KCNJ18: variants seen among roughly 807,000 people sequenced by gnomAD.
KCNJ18 encodes inward rectifier potassium channel 18.
KCNJ18 carries 16 observed loss-of-function variants against 17.3 expected under a neutral mutation model. The observed-to-expected ratio is 0.92, with a 90% CI of 0.62 to 1.40. The LOEUF (loss-of-function observed/expected upper bound fraction) is 1.40, where lower values mean the gene tolerates loss of function less well. Among genes scored for constraint, KCNJ18 ranks in the 40% most tolerant of loss-of-function variants. The pLI is 0.00. For synonymous variants in KCNJ18, 185 were observed against 262.6 expected (o/e 0.70, Z 2.86); for missense variants, 462 against 626.8 (o/e 0.74, Z 2.81).
At chr17:21,694,806 TTCCATCCA>T (rs1294845282) in intron 1 of KCNJ18, among the ~76,000 whole-genome samples, 3 of 150,892 alleles carry the variant, frequency 2.0e-5, no homozygotes, top group African/African-American at 4.9e-5. Context: ...TCACCCAACA[TTCCATCCA>T]TCCATCCATC....
intron 2 of KCNJ18, among the ~76,000 whole-genome samples, 197 bp from the exon 3 acceptor site, chr17:21,702,534 G>C (rs1905994056): frequency 2.6e-5 from 4 of 152,234 alleles, no homozygotes; most frequent in Non-Finnish European, 5.9e-5. Flanking sequence ...TTTTTGGCTG[G>C]AGCTGCTGGG....
In KCNJ18 at chr17:21,702,844, C is replaced by G; in HGVS notation, c.58C>G (p.Leu20Val). 6.3e-7 allele frequency: 1 copy of G among 1,599,386 alleles called. No homozygotes were observed. The highest frequency in any genetic ancestry group is 8.5e-7 in the Non-Finnish European group (1 of 1,178,014). ...CATCGTGTCATTGGAGGAGGACGGG[C>G]TGCACCTGGTCACCATGTCGGGCGC... ...YSIVSLEEDG[L>V]HLVTMSGANG... Residue 20 changes from leucine to valine, a missense_variant, in exon 3 of 3, where the codon CTG (leucine) becomes GTG (valine). Leu to Val is a conservative substitution (Grantham distance 32). This residue lies in a region of KCNJ18 where 237 missense variants were observed against 259.4 expected (regional missense o/e 0.91). Transcript: ENST00000567955.
intron 2 of KCNJ18, among the ~76,000 whole-genome samples, chr17:21,701,579 C>T (rs1270803935): frequency 2.6e-5 from 4 of 152,216 alleles, no homozygotes; most frequent in Non-Finnish European, 4.4e-5. Context: ...AAGTGGGTGG[C>T]GACAGGGGTG....
intron 2 of KCNJ18, among the ~76,000 whole-genome samples, chr17:21,699,023 A>T (rs1210772277): frequency 1.3e-5 from 2 of 152,138 alleles, no homozygotes; most frequent in African/African-American, 4.8e-5. Context: ...TGTCTGTGGA[A>T]AACGGTCCTA....
chr17:21,696,486 A>G (rs1333241849), intron 2 of KCNJ18, among the ~76,000 whole-genome samples: 1 of 151,992 alleles, frequency 6.6e-6, no homozygotes, highest in East Asian at 1.9e-4. Context: ...CCATCTCCTC[A>G]TCCATCCCAT....
At position 21,703,235 on chromosome 17, in the gene KCNJ18, G is replaced by C. The variant is rs1396830294; in HGVS notation, c.449G>C (p.Cys150Ser). The change falls in exon 3 of 3, where the codon TGT (cysteine) becomes TCT (serine). Residue 150 changes from cysteine (C) to serine (S), a missense_variant. By Grantham distance (112) the Cys-to-Ser change is moderately radical. Coordinates refer to ENST00000567955, the MANE Select transcript of KCNJ18 (RefSeq NM_001194958.2). ...TQTTIGYGLR[C>S]VTEECLVAVF... ...ACCACCATCGGCTACGGGCTGCGCT[G>C]TGTGACGGAGGAGTGCCTGGTGGCC... 57 of 1,611,206 alleles carry C rather than the reference G, an allele frequency of 3.5e-5. No individual in the cohort carries two copies. The highest frequency in any genetic ancestry group is 4.8e-5 in the Non-Finnish European group (57 of 1,179,324).
chr17:21,697,987 T>A (rs1443139900), intron 2 of KCNJ18, among the ~76,000 whole-genome samples: 1 of 150,464 alleles, frequency 6.6e-6, no homozygotes, highest in Non-Finnish European at 1.5e-5. Context: ...GGTCTTCCAA[T>A]GGTAAGGCTT....
In KCNJ18 at chr17:21,703,584, G is replaced by T. The variant is rs1460645895; in HGVS notation, c.798G>T (p.Ser266=). The change falls in exon 3 of 3, where the codon TCG becomes TCT. Residue 266 remains serine, a synonymous_variant. Transcript: ENST00000567955. ...GCCTGGACCGCATCTTTCTGGTGTC[G>T]CCCATCACCATCTTGCATGAAATTG... ...DKGLDRIFLV[S]PITILHEIDE... is the part of the protein sequence containing the mutation. 1.1e-5 allele frequency: 17 copies of T among 1,570,166 alleles called. No homozygotes were observed. In the East Asian group the frequency reaches 2.0e-4, roughly 19 times the overall value.
Position 21,703,251 on chromosome 17 carries a change from C to T in KCNJ18, c.465C>T (p.Cys155=). The change falls in exon 3 of 3, where the codon TGC becomes TGT. Residue 155 remains cysteine (C), a synonymous_variant. Coordinates refer to ENST00000567955, the MANE Select transcript of KCNJ18 (RefSeq NM_001194958.2). The stretch of plus-strand genomic sequence containing the variant: ...GGCTGCGCTGTGTGACGGAGGAGTG[C>T]CTGGTGGCCGTCTTCATGGTGGTGG... ...GYGLRCVTEE[C]LVAVFMVVAQ... is the part of the protein sequence containing the mutation. 2 of 1,610,366 alleles carry T rather than the reference C, an allele frequency of 1.2e-6. No individual in the cohort carries two copies. Among genetic ancestry groups the T allele is most frequent in the Admixed American group, 1.7e-5 (1 of 59,970 alleles).
Position 21,702,773 on chromosome 17 carries a change from C to G in KCNJ18, c.-14C>G. 6.4e-7 allele frequency: 1 copy of G among 1,572,396 alleles called. No homozygotes were observed. Among genetic ancestry groups the G allele is most frequent in the South Asian group, 1.1e-5 (1 of 87,096 alleles). The stretch of plus-strand genomic sequence containing the variant: ...GCTAGCCTGGGGGTGAGCCAGGGTC[C>G]CCCAACCCCCGGGATGACCGCGGCC... On this transcript the variant is annotated 5_prime_UTR_variant, in exon 3 of 3. Transcript: ENST00000567955.
At chr17:21,701,740 G>A (rs1257799028) in intron 2 of KCNJ18, among the ~76,000 whole-genome samples, 22 of 152,310 alleles carry the variant, frequency 1.4e-4, no homozygotes, top group African/African-American at 4.8e-4. Context: ...GTGAAACCCC[G>A]TCTCTACTTA....
intron 2 of KCNJ18, among the ~76,000 whole-genome samples, chr17:21,701,622 C>G (rs1269107222): frequency 6.6e-5 from 10 of 152,356 alleles, no homozygotes; most frequent in African/African-American, 1.7e-4. Context: ...GGAAGGACAA[C>G]AAGAAGCAAA....
At chr17:21,699,272 C>T in intron 2 of KCNJ18, among the ~76,000 whole-genome samples, 1 of 152,136 alleles carries the variant, frequency 6.6e-6, no homozygotes, top group Non-Finnish European at 1.5e-5. Context: ...GGATATTGTC[C>T]TATATTTCTT....
chr17:21,704,341 A>G lies in KCNJ18; in HGVS notation c.*253A>G, dbSNP rs1394274409. On this transcript the variant is annotated 3_prime_UTR_variant, in exon 3 of 3. Transcript: ENST00000567955. Reference sequence around the variant, plus strand: ...AAGTGGCCTCCTGGGGGGCCAGGCCACGGGGGCCAGGGCTTCTGCCTGAAG... The same window carrying G: ...AAGTGGCCTCCTGGGGGGCCAGGCCGCGGGGGCCAGGGCTTCTGCCTGAAG... The G allele has an allele frequency of 2.7e-3, 1,337 of 496,216 alleles. 4 individuals carry two copies. The highest frequency in any genetic ancestry group is 0.023 in the African/African-American group (1,186 of 51,856). 30.7% of individuals were successfully genotyped at this position (496,216 alleles called of 1,614,324 possible). A position where few individuals can be genotyped will look rare whatever the true frequency, so the allele number is the denominator to read the frequency against.
intron 1 of KCNJ18, among the ~76,000 whole-genome samples, chr17:21,695,347 C>G (rs1905728500): frequency 6.6e-6 from 1 of 152,232 alleles, no homozygotes; most frequent in African/African-American, 2.4e-5. Context: ...TCCATCCACC[C>G]ACCCATGTAT....
rs1443988703 is a variant in KCNJ18 at position 21,703,224 on chromosome 17, C to T, written c.438C>T (p.Tyr146=). 3.7e-5 allele frequency: 59 copies of T among 1,611,018 alleles called. No individual in the cohort carries two copies. Among genetic ancestry groups the T allele is most frequent in the East Asian group, 2.2e-4 (10 of 44,816 alleles). ...TCGAGACGCAGACCACCATCGGCTA[C>T]GGGCTGCGCTGTGTGACGGAGGAGT... ...FSIETQTTIG[Y]GLRCVTEECL... Residue 146 remains tyrosine (Y), a synonymous_variant, in exon 3 of 3, where the codon TAC becomes TAT. Coordinates refer to ENST00000567955, the MANE Select transcript of KCNJ18 (RefSeq NM_001194958.2).
chr17:21,698,821 C>T (rs1905848114), intron 2 of KCNJ18, among the ~76,000 whole-genome samples: 1 of 152,254 alleles, frequency 6.6e-6, no homozygotes, highest in Non-Finnish European at 1.5e-5. Flanking sequence ...GCACTGTGGC[C>T]AGCAGGAAAG....
rs1231075627 is a variant in KCNJ18, at chr17:21,704,016, T to G, written c.1230T>G (p.His410Gln). 99 of 1,590,692 alleles carry G rather than the reference T, an allele frequency of 6.2e-5. No individual in the cohort carries two copies. The highest frequency in any genetic ancestry group is 7.6e-5 in the Non-Finnish European group (89 of 1,168,652). The change falls in exon 3 of 3, where the codon CAT becomes CAG. Residue 410 changes from histidine (H) to glutamine (Q), a missense_variant. Physicochemically the swap from His to Gln is conservative, Grantham distance 24. Transcript: ENST00000567955. Reference sequence around the variant, plus strand: ...ATGGCCTCAGCCCCCAGGCCAGGCATGACTTTGACAGACTCCAGGCTGGCG... The same window carrying G: ...ATGGCCTCAGCCCCCAGGCCAGGCAGGACTTTGACAGACTCCAGGCTGGCG... Reference protein sequence around the residue: ...SRDGLSPQARHDFDRLQAGGG... With the variant: ...SRDGLSPQARQDFDRLQAGGG...
rs1481773222 is a variant in KCNJ18 at position 21,703,260 on chromosome 17, C to T, written c.474C>T (p.Ala158=). 52 of 1,609,836 alleles carry T rather than the reference C, an allele frequency of 3.2e-5. No individual in the cohort carries two copies. The highest frequency in any genetic ancestry group is 1.6e-4 in the Middle Eastern group (1 of 6,076). ...LRCVTEECLV[A]VFMVVAQSIV... ...GTGTGACGGAGGAGTGCCTGGTGGC[C>T]GTCTTCATGGTGGTGGCCCAGTCCA... The change falls in exon 3 of 3, where the codon GCC becomes GCT. Residue 158 remains alanine, a synonymous_variant. Coordinates refer to ENST00000567955, the MANE Select transcript of KCNJ18 (RefSeq NM_001194958.2).
Sources: allele counts gnomAD v4.1 joint callset (sites outside exome capture counted in the v4.1 genomes callset), GRCh38; gene constraint gnomAD v4.1.1; regional missense constraint gnomAD v4.1.1; transcripts MANE v1.5; gene names NCBI Gene and HGNC (gene_info 2026-07-23, HGNC 2026-07-21).